The following TTLL7 variants were observed in gnomAD, a reference collection of about 807,000 sequenced individuals.
TTLL7 encodes tubulin polyglutamylase TTLL7.
In TTLL7, 53 loss-of-function variants were observed where a neutral mutation model predicts 120.2. The observed-to-expected ratio is 0.44, with a 90% CI of 0.35 to 0.55. TTLL7 has a LOEUF of 0.55. Ranked by LOEUF, TTLL7 falls within the 20% of genes least tolerant of loss-of-function variation. The pLI, the probability that TTLL7 is intolerant of heterozygous loss-of-function variation, is 0.00. For missense variants in TTLL7, 803 were observed against 1,054.7 expected (o/e 0.76, Z 3.31); for synonymous variants, 353 against 351.7 (o/e 1.00, Z -0.04).
intron 1 of TTLL7, among the ~76,000 whole-genome samples, chr1:83,955,304 A>G (rs1438790398): frequency 2.6e-4 from 40 of 152,330 alleles, no homozygotes. Context: ...CATAGTGTTC[A>G]ATAAGCACTT....
intron 15 of TTLL7, among the ~76,000 whole-genome samples, chr1:83,908,183 T>A (rs1212354585): frequency 6.6e-6 from 1 of 152,098 alleles, no homozygotes; most frequent in East Asian, 1.9e-4. Flanking sequence ...CATGATGCTA[T>A]CCACTATCCC....
At chr1:83,968,938 CTG>C (rs1428773000) in intron 1 of TTLL7, among the ~76,000 whole-genome samples, 9 of 151,992 alleles carry the variant, frequency 5.9e-5, no homozygotes, top group Admixed American at 3.9e-4. Context: ...ATACACAAAA[CTG>C]TAATTTTCCC....
chr1:83,962,164 A>C (rs139784793), intron 1 of TTLL7, among the ~76,000 whole-genome samples: 5 of 152,168 alleles, frequency 3.3e-5, no homozygotes, highest in Admixed American at 6.6e-5. Context: ...TGAACAAATG[A>C]CATCACCCAA....
intron 1 of TTLL7, among the ~76,000 whole-genome samples, chr1:83,977,056 A>G (rs1235239219): frequency 6.6e-6 from 1 of 151,794 alleles, no homozygotes; most frequent in African/African-American, 2.4e-5. Flanking sequence ...AAAAATATTT[A>G]TTTAAAAATA....
chr1:83,882,994 A>C lies in TTLL7; in HGVS notation c.2512T>G (p.Ser838Ala). The C allele has an allele frequency of 6.2e-7, 1 of 1,612,618 alleles. No homozygotes were observed. Among genetic ancestry groups the C allele is most frequent in the Non-Finnish European group, 8.5e-7 (1 of 1,179,120 alleles). ...KYATDKRGSL[S>A]GIGPDWGNSR... ...TTACCCCAGTCAGGACCAATGCCTG[A>C]AAGTGATCCTCTTTTGTCAGTTGCA... The change falls in exon 20 of 21, where the codon TCA (serine) becomes GCA (alanine). Residue 838 changes from serine (S) to alanine (A), a missense_variant. Coordinates refer to ENST00000260505, the MANE Select transcript of TTLL7 (RefSeq NM_024686.6).
intron 1 of TTLL7, among the ~76,000 whole-genome samples, chr1:83,978,477 T>C (rs560055682): frequency 2.0e-5 from 3 of 152,322 alleles, no homozygotes; most frequent in South Asian, 4.1e-4. Context: ...TAGAATGGCA[T>C]ACTGGAGATT....
intron 1 of TTLL7, among the ~76,000 whole-genome samples, chr1:83,961,195 C>T (rs1258007440): frequency 1.3e-5 from 2 of 152,038 alleles, no homozygotes; most frequent in Admixed American, 6.6e-5. Context: ...TGCTGAGCTA[C>T]CATATCAGGG....
At chr1:83,987,353 A>G (rs1028256020) in intron 1 of TTLL7, among the ~76,000 whole-genome samples, 3 of 152,182 alleles carry the variant, frequency 2.0e-5, no homozygotes, top group African/African-American at 7.2e-5. Context: ...ATGGATTGAA[A>G]GAAGCAACGC....
At chr1:83,970,140 T>C (rs1650846034) in intron 1 of TTLL7, among the ~76,000 whole-genome samples, 2 of 152,074 alleles carry the variant, frequency 1.3e-5, no homozygotes, top group Admixed American at 1.3e-4. Context: ...GATTGGCTAC[T>C]TCCAAAAGAC....
intron 18 of TTLL7, among the ~76,000 whole-genome samples, chr1:83,901,390 C>A (rs981611868): frequency 2.0e-5 from 3 of 151,932 alleles, no homozygotes; most frequent in Admixed American, 6.6e-5. Flanking sequence ...TAGATAATTG[C>A]TTCAGTACCA....
At position 83,887,002 on chromosome 1, in the gene TTLL7, G is replaced by A. The variant is rs552615373; in HGVS notation, c.2369+3319C>T. ...ATAACATTCCCAGGAGGCTGCATGT[G>A]ATAAAACTGTTACTGGGCATGGGCA... On this transcript the variant is annotated intron_variant, in intron 19 of 20. Coordinates refer to ENST00000260505, the MANE Select transcript of TTLL7 (RefSeq NM_024686.6). Among the ~76,000 whole-genome samples the A allele has an allele frequency of 9.9e-5, 15 of 152,130 alleles. No homozygotes were observed. In the South Asian group the frequency reaches 1.4e-3, roughly 15 times the overall value.
At chr1:83,986,847 A>T (rs1481269214) in intron 1 of TTLL7, among the ~76,000 whole-genome samples, 1 of 151,992 alleles carries the variant, frequency 6.6e-6, no homozygotes, top group Non-Finnish European at 1.5e-5. Flanking sequence ...CTCAAAAAAA[A>T]AGAAGAAGAA....
At chr1:83,893,711 T>C (rs1228571696) in intron 18 of TTLL7, among the ~76,000 whole-genome samples, 1 of 152,118 alleles carries the variant, frequency 6.6e-6, no homozygotes, top group East Asian at 1.9e-4. Context: ...CAAGGTGATA[T>C]TTATAGAAGA....
In TTLL7 at chr1:83,893,670, T is replaced by C. The variant is rs377555326; in HGVS notation, c.2209-3189A>G. Among the ~76,000 whole-genome samples the C allele has an allele frequency of 9.7e-5, 14 of 145,038 alleles. No homozygotes were observed. In the South Asian group the frequency reaches 2.3e-3, roughly 24 times the overall value. ...CTCTGATCAAGGCAAATTTAAACATTTGTTTAAAAATAAATTTAGTAAAAA... is the reference window on the plus strand; with the variant it reads ...CTCTGATCAAGGCAAATTTAAACATCTGTTTAAAAATAAATTTAGTAAAAA... On this transcript the variant is annotated intron_variant, in intron 18 of 20. Transcript: ENST00000260505.
At chr1:83,899,416 A>T (rs1200704458) in intron 18 of TTLL7, among the ~76,000 whole-genome samples, 2 of 151,970 alleles carry the variant, frequency 1.3e-5, no homozygotes, top group South Asian at 2.1e-4. Flanking sequence ...ACAGCCTAGG[A>T]GTAGCATTCC....
intron 1 of TTLL7, among the ~76,000 whole-genome samples, chr1:83,963,499 TA>T (rs2100546214): frequency 6.6e-6 from 1 of 152,238 alleles, no homozygotes; most frequent in South Asian, 2.1e-4. Context: ...GTTTTTTGCT[TA>T]AACCAGGTTC....
intron 16 of TTLL7, 129 bp from the exon 17 acceptor site, chr1:83,906,592 A>C: frequency 7.2e-7 from 1 of 1,389,212 alleles, no homozygotes; most frequent in South Asian, 1.3e-5. Context: ...AAAGGAAGAA[A>C]ATTTTCTTTT....
chr1:83,948,184 AACACACACACAC>A (rs35199174), intron 5 of TTLL7, among the ~76,000 whole-genome samples: 3 of 147,460 alleles, frequency 2.0e-5, no homozygotes, highest in Admixed American at 6.8e-5. Context: ...GACACACACA[AACACACACACAC>A]ACACACACAC....
chr1:83,998,600 C>T (rs1653700771), intron 1 of TTLL7, among the ~76,000 whole-genome samples: 1 of 152,212 alleles, frequency 6.6e-6, no homozygotes, highest in South Asian at 2.1e-4. Flanking sequence ...CAGAATAAAC[C>T]AGCAGGGAGC....
Sources: allele counts gnomAD v4.1 joint callset (sites outside exome capture counted in the v4.1 genomes callset), GRCh38; gene constraint gnomAD v4.1.1; transcripts MANE v1.5; gene names NCBI Gene and HGNC (gene_info 2026-07-23, HGNC 2026-07-21).